The following CFAP54 variants were observed in gnomAD, a reference collection of about 807,000 sequenced individuals.
CFAP54 encodes the protein cilia and flagella associated protein 54, also known as cilia- and flagella-associated protein 54.
CFAP54 carries 290 observed loss-of-function variants against 370.4 expected under a neutral mutation model. The ratio of observed to expected loss-of-function variants is 0.78; its 90% confidence interval spans 0.71 to 0.86. The LOEUF (loss-of-function observed/expected upper bound fraction) is 0.86. CFAP54 is among the 40% of genes least tolerant of loss of function. CFAP54 has a pLI of 0.00. For missense variants in CFAP54, 3,399 were observed against 3,528.7 expected, an observed-to-expected ratio of 0.96 and a Z score of 0.93; for synonymous variants, 1,206 against 1,236.5, an observed-to-expected ratio of 0.98 and a Z score of 0.52.
At chr12:96,541,809 C>G (rs574827358) in intron 14 of CFAP54, among the ~76,000 whole-genome samples, 18 of 152,088 alleles carry the variant, frequency 1.2e-4, no homozygotes, top group African/African-American at 4.1e-4. Context: ...TTTTAAAATT[C>G]TTTCTTCATT....
intron 62 of CFAP54, 49 bp downstream of exon 62, chr12:96,786,947 A>C (rs1439585901): frequency 7.7e-6 from 10 of 1,297,526 alleles, no homozygotes; most frequent in Non-Finnish European, 1.0e-5. Context: ...TCTTGGAATC[A>C]TCATTATATT....
rs1016417260 is a variant in CFAP54 at position 96,590,306 on chromosome 12, T to C, written c.3212+743T>C. 5.3e-5 allele frequency among the ~76,000 whole-genome samples: 8 copies of C among 152,198 alleles called. No homozygotes were observed. In the East Asian group the frequency reaches 1.5e-3, roughly 29 times the overall value. ...CCATTGGCAACTGCAAATAGGCCAG[T>C]AGAAGCCATATAAAATTACTATCCT... On this transcript the variant is annotated intron_variant, in intron 23 of 67. Coordinates refer to ENST00000524981, the MANE Select transcript of CFAP54 (RefSeq NM_001306084.2).
chr12:96,638,564 G>A (rs1956688313), intron 32 of CFAP54, among the ~76,000 whole-genome samples: 1 of 151,928 alleles, frequency 6.6e-6, no homozygotes, highest in Non-Finnish European at 1.5e-5. Flanking sequence ...TACTAAAATT[G>A]TTTTCATTCT....
chr12:96,668,687 A>G (rs758355394), intron 39 of CFAP54, among the ~76,000 whole-genome samples: 26 of 152,188 alleles, frequency 1.7e-4, no homozygotes, highest in Non-Finnish European at 2.6e-4. Flanking sequence ...GTTTTTGGCC[A>G]TGCAGCTTGT....
chr12:96,600,366 C>T (rs1161553054), intron 26 of CFAP54, among the ~76,000 whole-genome samples: 1 of 152,076 alleles, frequency 6.6e-6, no homozygotes, highest in Non-Finnish European at 1.5e-5. Context: ...GGTACCAGTA[C>T]CATGCTGTTT....
intron 19 of CFAP54, among the ~76,000 whole-genome samples, chr12:96,567,232 G>A (rs1284387622): frequency 1.3e-5 from 2 of 152,252 alleles, no homozygotes; most frequent in Non-Finnish European, 2.9e-5. Context: ...GTCATTCTGT[G>A]AGACAGAAGC....
intron 60 of CFAP54, among the ~76,000 whole-genome samples, chr12:96,768,258 T>C (rs1225705360): frequency 3.3e-5 from 5 of 151,856 alleles, no homozygotes; most frequent in Admixed American, 2.0e-4. Flanking sequence ...AAGGTGGAGG[T>C]TGCAGTGAGC....
intron 22 of CFAP54, among the ~76,000 whole-genome samples, chr12:96,587,337 C>G (rs917989469): frequency 6.6e-6 from 1 of 151,710 alleles, no homozygotes; most frequent in South Asian, 2.1e-4. Context: ...CTGGGGCATA[C>G]CAATATAAAG....
At position 96,749,275 on chromosome 12, in the gene CFAP54, C is replaced by A. The variant is rs79630864; in HGVS notation, c.7685-4468C>A. Among the ~76,000 whole-genome samples the A allele has an allele frequency of 6.4e-3, 978 of 152,276 alleles. 11 individuals are homozygous for A. The highest frequency in any genetic ancestry group is 0.022 in the African/African-American group (922 of 41,558). On this transcript the variant is annotated intron_variant, in intron 55 of 67. Coordinates refer to ENST00000524981, the MANE Select transcript of CFAP54 (RefSeq NM_001306084.2). ...GGCAGACAGGCTTTCTCAAGTTTGTCTTTTACGAGGACAAGTCTGTCTTCT... is the reference window on the plus strand; with the variant it reads ...GGCAGACAGGCTTTCTCAAGTTTGTATTTTACGAGGACAAGTCTGTCTTCT...
chr12:96,685,411 A>T (rs868662803), intron 42 of CFAP54, among the ~76,000 whole-genome samples, 173 bp downstream of exon 42: 1 of 152,092 alleles, frequency 6.6e-6, no homozygotes, highest in African/African-American at 2.4e-5. Flanking sequence ...ATTGCTTATG[A>T]TTATCTCTTC....
chr12:96,786,922 T>C, intron 62 of CFAP54, 24 bp downstream of exon 62: 16 of 1,451,906 alleles, frequency 1.1e-5, no homozygotes, highest in Non-Finnish European at 1.5e-5. Context: ...AAACATGATA[T>C]ATTTACATAA....
chr12:96,527,046 C>T (rs1955390432), intron 8 of CFAP54, among the ~76,000 whole-genome samples, 200 bp from the exon 9 acceptor site: 1 of 152,014 alleles, frequency 6.6e-6, no homozygotes, highest in Admixed American at 6.6e-5. Context: ...CAAGCACATT[C>T]CAACATGCCT....
rs548324011 is a variant in CFAP54 at position 96,507,025 on chromosome 12, A to T, written c.665A>T (p.His222Leu). The T allele has an allele frequency of 7.6e-5, 117 of 1,536,044 alleles. No individual in the cohort carries two copies. The South Asian group carries it at 1.0e-3, about 14-fold the overall frequency. The change falls in exon 4 of 68, where the codon CAT becomes CTT. Residue 222 changes from histidine to leucine, a missense_variant. His to Leu is a moderately conservative substitution (Grantham distance 99, BLOSUM62 -3). Transcript: ENST00000524981. ...AAAGAATCTGTGGTCCAGTGTCTGC[A>T]TATCTTGTCCTCCTTAAGGCTCATC... ...KNKESVVQCL[H>L]ILSSLRLIMQ...
In CFAP54 at chr12:96,753,772, A is replaced by C. The variant is rs749981044; in HGVS notation, c.7714A>C (p.Lys2572Gln). ...TACAGTGGCCAAGCAAGTATATTAC[A>C]AGAATAAAAGGAAGGACCCCTCGAA... ...GHTVAKQVYYKNKRKDPSKWL... is the reference protein window; with the variant it reads ...GHTVAKQVYYQNKRKDPSKWL... Residue 2572 changes from lysine to glutamine, a missense_variant, in exon 56 of 68, where the codon AAG becomes CAG. Physicochemically the swap from Lys to Gln is moderately conservative, Grantham distance 53. This residue lies in a region of CFAP54 where 2,796 missense variants were observed against 2,869.7 expected (regional missense o/e 0.97). Transcript: ENST00000524981. 18 of 1,613,846 alleles carry C rather than the reference A, an allele frequency of 1.1e-5. No homozygotes were observed. Among genetic ancestry groups the C allele is most frequent in the Middle Eastern group, 1.6e-4 (1 of 6,080 alleles).
At chr12:96,598,092 C>T (rs1956197319) in intron 25 of CFAP54, among the ~76,000 whole-genome samples, 1 of 107,220 alleles carries the variant, frequency 9.3e-6, no homozygotes, top group African/African-American at 3.6e-5. Context: ...CAATCTCACA[C>T]TACCTTTGAA....
chr12:96,514,252 C>T (rs1323402930), intron 5 of CFAP54, among the ~76,000 whole-genome samples: 1 of 152,104 alleles, frequency 6.6e-6, no homozygotes, highest in African/African-American at 2.4e-5. Context: ...CAAAGCATAG[C>T]CAAGTATCTT....
chr12:96,582,850 G>A (rs1956044443), intron 22 of CFAP54, among the ~76,000 whole-genome samples: 1 of 152,104 alleles, frequency 6.6e-6, no homozygotes, highest in African/African-American at 2.4e-5. Context: ...ATAATGTTAA[G>A]AGGCTAAAGC....
chr12:96,634,493 G>A (rs1956644305), intron 32 of CFAP54, among the ~76,000 whole-genome samples: 1 of 151,468 alleles, frequency 6.6e-6, no homozygotes, highest in South Asian at 2.1e-4. Flanking sequence ...TTCTAGATAC[G>A]AGGCCTTTGT....
At chr12:96,803,359 T>G (rs1958842941) in intron 63 of CFAP54, among the ~76,000 whole-genome samples, 1 of 152,108 alleles carries the variant, frequency 6.6e-6, no homozygotes, top group African/African-American at 2.4e-5. Context: ...TGATCACCAT[T>G]CTAGCTGGAA....
Sources: gnomAD v4.1 joint callset for allele counts (sites outside exome capture counted in the v4.1 genomes callset) on GRCh38, gnomAD v4.1.1 for gene constraint, gnomAD v4.1.1 regional missense constraint, MANE v1.5 for transcripts, NCBI Gene and HGNC (gene_info 2026-07-23, HGNC 2026-07-21) for gene names.